KIFC2: variants seen among roughly 807,000 people sequenced by gnomAD.
The protein encoded by KIFC2 is kinesin family member C2.
Under a neutral mutation model 91.5 loss-of-function variants are expected in KIFC2, and 94 were observed. That is an observed-to-expected ratio of 1.03 (90% confidence interval 0.87 to 1.22). KIFC2 has a LOEUF of 1.22. Among genes scored for constraint, KIFC2 ranks in the 50% most tolerant of loss-of-function variants. The pLI is 0.00. For missense variants in KIFC2, 1,357 were observed against 1,103.3 expected (o/e 1.23, Z -3.26); for synonymous variants, 729 against 503.9 (o/e 1.45, Z -5.98).
In KIFC2 at chr8:144,472,053, C is replaced by A. The variant is rs1479531996; in HGVS notation, c.1485+7C>A. 5 of 1,613,358 alleles carry A rather than the reference C, an allele frequency of 3.1e-6. No individual in the cohort carries two copies. In the Admixed American group the frequency reaches 8.3e-5, roughly 27 times the overall value. ...GAAGACCTACAGCATGGAGGTGGGA[C>A]AGAGCTCACGCCCCAGTGGGAGAGG... On this transcript the variant is annotated splice_region_variant and intron_variant, in intron 13 of 17. Coordinates refer to ENST00000645548, the MANE Select transcript of KIFC2 (RefSeq NM_001369769.2).
intron 9 of KIFC2, 33 bp from the exon 10 acceptor site, chr8:144,468,692 G>T: frequency 6.2e-7 from 1 of 1,613,498 alleles, no homozygotes; most frequent in Non-Finnish European, 8.5e-7. Flanking sequence ...CCTGGAGGCT[G>T]GGCCTTCCCT....
At chr8:144,471,787 G>A (rs969630796) in intron 12 of KIFC2, among the ~76,000 whole-genome samples, 155 bp from the exon 13 acceptor site, 4 of 152,116 alleles carry the variant, frequency 2.6e-5, no homozygotes, top group Admixed American at 6.6e-5. Flanking sequence ...GAGGGTCTCT[G>A]TAGGACACAC....
At chr8:144,466,269 C>G (rs967384323), upstream of KIFC2, 2 of 211,006 alleles carry the variant, frequency 9.5e-6, no homozygotes, top group East Asian at 2.3e-4. Context: ...CTAGTACCCC[C>G]GTCCCCGCGC....
In KIFC2 at chr8:144,467,322, C is replaced by A. The variant is rs1197649032; in HGVS notation, c.450C>A (p.Val150=). ...LLQGTQPAPR[V]RPPSPDGSTS... ...AGGGGACTCAGCCAGCCCCTCGGGTCCGGCCCCCCTCTCCAGATGGTGAGT... is the reference window on the plus strand; with the variant it reads ...AGGGGACTCAGCCAGCCCCTCGGGTACGGCCCCCCTCTCCAGATGGTGAGT... The change falls in exon 4 of 18, where the codon GTC becomes GTA. Residue 150 remains valine, a synonymous_variant. Transcript: ENST00000645548. The A allele has an allele frequency of 3.1e-6, 5 of 1,609,324 alleles. No individual in the cohort carries two copies. In the South Asian group the frequency reaches 5.5e-5, roughly 18 times the overall value.
chr8:144,469,567 A>C lies in KIFC2; in HGVS notation c.1300A>C (p.Thr434Pro). Residue 434 changes from threonine (T) to proline (P), a missense_variant, in exon 12 of 18, where the codon ACC becomes CCC. Thr to Pro is a conservative substitution (Grantham distance 38, BLOSUM62 -1). Coordinates refer to ENST00000645548, the MANE Select transcript of KIFC2 (RefSeq NM_001369769.2). The part of the protein sequence containing the change: ...LVSVEPGPGG[T>P]VTTCYRGRHR... ...GAGTGTGGAGCCTGGCCCAGGGGGCACCGTCACCACCTGCTACCGGGGGCG... is the reference window on the plus strand; with the variant it reads ...GAGTGTGGAGCCTGGCCCAGGGGGCCCCGTCACCACCTGCTACCGGGGGCG... 6.2e-7 allele frequency: 1 copy of C among 1,613,546 alleles called. No individual in the cohort carries two copies. Among genetic ancestry groups the C allele is most frequent in the South Asian group, 1.1e-5 (1 of 91,080 alleles).
Position 144,472,944 on chromosome 8 carries a change from G to A in KIFC2, c.2011G>A (p.Ala671Thr). 1 of 1,477,272 alleles carries A rather than the reference G, an allele frequency of 6.8e-7. No individual in the cohort carries two copies. The highest frequency in any genetic ancestry group is 1.3e-5 in the South Asian group (1 of 76,264). The allele number at this position is 1,477,272 out of a possible 1,614,324, so 91.5% of individuals were successfully genotyped here. A position where few individuals can be genotyped will look rare whatever the true frequency, so the allele number is the denominator to read the frequency against. The change falls in exon 17 of 18, where the codon GCC becomes ACC. Residue 671 changes from alanine (A) to threonine (T), a missense_variant. Coordinates refer to ENST00000645548, the MANE Select transcript of KIFC2 (RefSeq NM_001369769.2). ...GCTGCTGGCGCTAGGAGGCGTGATG[G>A]CCGCACTGCGGGCCCACCGGCCGCA... is the stretch of plus-strand genomic sequence containing the variant. ...RSLLALGGVM[A>T]ALRAHRPHVP...
chr8:144,468,305 C>G (rs1364038440), intron 7 of KIFC2, 24 bp from the exon 8 acceptor site: 1 of 1,593,784 alleles, frequency 6.3e-7, no homozygotes, highest in South Asian at 1.1e-5. Context: ...CTCTGAGTCC[C>G]TCCTGGCCCC....
rs199630554 is a variant in KIFC2, at chr8:144,469,453, T to C, written c.1223-37T>C. On this transcript the variant is annotated intron_variant, in intron 11 of 17. Transcript: ENST00000645548. The stretch of plus-strand genomic sequence containing the variant: ...AGTGCAGCTTCTCTGTGCTTTAGGG[T>C]CTGCGAGGCATTATGCTGACCTGAT... 4.9e-5 allele frequency: 79 copies of C among 1,613,578 alleles called. 1 individual carries two copies. In the African/African-American group the frequency reaches 9.7e-4, roughly 20 times the overall value.
Position 144,473,491 on chromosome 8 carries a change from A to T in KIFC2, c.*102A>T, listed in dbSNP as rs1481380387. The T allele has an allele frequency of 7.0e-7, 1 of 1,434,212 alleles. No individual in the cohort carries two copies. The highest frequency in any genetic ancestry group is 9.1e-7 in the Non-Finnish European group (1 of 1,096,232). 88.8% of individuals were successfully genotyped at this position (1,434,212 alleles called of 1,614,324 possible). On this transcript the variant is annotated 3_prime_UTR_variant, in exon 18 of 18. Coordinates refer to ENST00000645548, the MANE Select transcript of KIFC2 (RefSeq NM_001369769.2). ...CCGTCTCCCAGGGCACAAGCTCCCT[A>T]GCCTCTTTGGATCCATTGCCCCTGA...
At position 144,472,372 on chromosome 8, in the gene KIFC2, C is replaced by CCT. The variant is rs1824961729; in HGVS notation, c.1619_1620insCT (p.Pro541PhefsTer10). 6.2e-7 allele frequency: 1 copy of CCT among 1,613,280 alleles called. No individual in the cohort carries two copies. The highest frequency in any genetic ancestry group is 8.5e-7 in the Non-Finnish European group (1 of 1,179,966). ...CCCTTTCTCACCAGGGACCTCCTTG[C>CCT]TCCAGGGCCTCCCGAGCGCCTGGCC... On this transcript the variant is annotated frameshift_variant, in exon 15 of 18. Coordinates refer to ENST00000645548, the MANE Select transcript of KIFC2 (RefSeq NM_001369769.2). LOFTEE classifies it high-confidence loss of function.
rs1379905851 is a variant in KIFC2 at position 144,469,254 on chromosome 8, C to T, written c.1114-17C>T. ...CTTGGCTGACCCCTTGCCTTCTGTA[C>T]ATCCCTGTTCCCTCAGGTGTCCTGG... On this transcript the variant is annotated splice_polypyrimidine_tract_variant and intron_variant, in intron 10 of 17. Transcript: ENST00000645548. 2 of 1,564,086 alleles carry T rather than the reference C, an allele frequency of 1.3e-6. No homozygotes were observed. The highest frequency in any genetic ancestry group is 1.7e-6 in the Non-Finnish European group (2 of 1,152,070).
At chr8:144,468,090 C>A in intron 7 of KIFC2, 103 bp downstream of exon 7, 1 of 1,384,736 alleles carries the variant, frequency 7.2e-7, no homozygotes, top group East Asian at 2.5e-5. Flanking sequence ...CCGGGATGGT[C>A]TGTGTAGGGC....
rs1171632440 is a variant in KIFC2, at chr8:144,467,914, T to C, written c.737T>C (p.Leu246Pro). The C allele has an allele frequency of 1.2e-6, 2 of 1,612,508 alleles. No homozygotes were observed. The highest frequency in any genetic ancestry group is 1.7e-6 in the Non-Finnish European group (2 of 1,179,422). The stretch of plus-strand genomic sequence containing the variant: ...CATCTGACTCTGGAGAACGAGGCCC[T>C]GAAGCAGAGCCTGAGTCTCATGCGG... ...VQHLTLENEA[L>P]KQSLSLMRDL... is the part of the protein sequence containing the mutation. Residue 246 changes from leucine to proline, a missense_variant, in exon 7 of 18, where the codon CTG (leucine) becomes CCG (proline). Leu to Pro is a moderately conservative substitution (Grantham distance 98). Transcript: ENST00000645548.
In KIFC2 at chr8:144,468,390, A is replaced by C. The variant is rs1395551461; in HGVS notation, c.872A>C (p.Glu291Ala). 1 of 1,612,840 alleles carries C rather than the reference A, an allele frequency of 6.2e-7. No individual in the cohort carries two copies. Among genetic ancestry groups the C allele is most frequent in the Non-Finnish European group, 8.5e-7 (1 of 1,179,854 alleles). Residue 291 changes from glutamate (E) to alanine (A), a missense_variant, in exon 8 of 18, where the codon GAA (glutamate) becomes GCA (alanine). Physicochemically the swap from Glu to Ala is moderately radical, Grantham distance 107. Transcript: ENST00000645548. ...GRLQEAQDTT[E>A]ALRAQLGVQE... ...CTTCAGGAGGCCCAAGACACCACAG[A>C]AGCCCTCCGAGCCCAGGTGGGCATG...
At position 144,474,145 on chromosome 8, in the gene KIFC2, T is replaced by C. The variant is rs1261998528; in HGVS notation, c.*756T>C. 26 of 972,994 alleles carry C rather than the reference T, an allele frequency of 2.7e-5. No homozygotes were observed. The highest frequency in any genetic ancestry group is 3.3e-5 in the African/African-American group (2 of 60,644). 60.3% of individuals were successfully genotyped at this position (972,994 alleles called of 1,614,324 possible). A position where few individuals can be genotyped will look rare whatever the true frequency, so the allele number is the denominator to read the frequency against. ...AGGCTGCTGCCTGGTGTTTCGAGGC[T>C]GCTGTGGTCGCAGACAGCCGCCTCG... is the stretch of plus-strand genomic sequence containing the variant. On this transcript the variant is annotated 3_prime_UTR_variant, in exon 18 of 18. Transcript: ENST00000645548.
chr8:144,466,483 G>C lies in KIFC2; in HGVS notation c.64G>C (p.Ala22Pro), dbSNP rs1824641630. ...CAGCCTCTTCCGCAGGGATGGTGGC[G>C]CCGCGGCGGCCGCGGAGCCCGGGGA... ...FYSLFRRDGG[A>P]AAAAEPGDPA... Residue 22 changes from alanine (A) to proline (P), a missense_variant, in exon 1 of 18, where the codon GCC becomes CCC. Transcript: ENST00000645548. The C allele has an allele frequency of 7.6e-7, 1 of 1,320,990 alleles. No homozygotes were observed. Among genetic ancestry groups the C allele is most frequent in the Non-Finnish European group, 9.7e-7 (1 of 1,027,222 alleles). The allele number at this position is 1,320,990 out of a possible 1,614,324, so 81.8% of individuals were successfully genotyped here. A position where few individuals can be genotyped will look rare whatever the true frequency, so the allele number is the denominator to read the frequency against.
In KIFC2 at chr8:144,473,384, C is replaced by A; in HGVS notation, c.2371C>A (p.Leu791Ile). 6.3e-7 allele frequency: 1 copy of A among 1,578,472 alleles called. No individual in the cohort carries two copies. Among genetic ancestry groups the A allele is most frequent in the Non-Finnish European group, 8.6e-7 (1 of 1,166,946 alleles). ...TCTCGCGCCCGCAGAGGGCCTGCCC[C>A]TCTAGTCCTGGGTCGCGGCCCTGCC... ...SALAPAEGLP[L>I] Residue 791 changes from leucine to isoleucine, a missense_variant, in exon 18 of 18, where the codon CTC (leucine) becomes ATC (isoleucine). Leu to Ile is a conservative substitution (Grantham distance 5). Transcript: ENST00000645548.
Position 144,467,548 on chromosome 8 carries a change from A to G in KIFC2, c.533A>G (p.Asp178Gly). The change falls in exon 5 of 18, where the codon GAT becomes GGT. Residue 178 changes from aspartate to glycine, a missense_variant. Coordinates refer to ENST00000645548, the MANE Select transcript of KIFC2 (RefSeq NM_001369769.2). The part of the protein sequence containing the change: ...FTAVPGEPLG[D>G]ETQGQQPLQL... ...GCAGTCCCAGGCGAGCCACTGGGGG[A>G]TGAGACCCAGGGACAGCAGCCCCTC... The G allele has an allele frequency of 6.2e-7, 1 of 1,604,808 alleles. No homozygotes were observed. Among genetic ancestry groups the G allele is most frequent in the South Asian group, 1.1e-5 (1 of 89,814 alleles).
At position 144,468,750 on chromosome 8, in the gene KIFC2, G is replaced by GC. The variant is rs1824798795; in HGVS notation, c.1030dup (p.Arg344ProfsTer24). ...GACTTCGGGCACGGATGGCCAGCCT[G>GC]CGTCAGGGCTGCGGGGACCTCCGAG... On this transcript the variant is annotated frameshift_variant, in exon 10 of 18. Transcript: ENST00000645548. LOFTEE classifies it high-confidence loss of function. 6.2e-7 allele frequency: 1 copy of GC among 1,613,942 alleles called. No individual in the cohort carries two copies. Among genetic ancestry groups the GC allele is most frequent in the African/African-American group, 1.3e-5 (1 of 74,924 alleles).
Sources: allele counts gnomAD v4.1 joint callset (sites outside exome capture counted in the v4.1 genomes callset), GRCh38; gene constraint gnomAD v4.1.1; transcripts MANE v1.5; gene names NCBI Gene and HGNC (gene_info 2026-07-23, HGNC 2026-07-21).